MAF: variants seen among roughly 807,000 people sequenced by gnomAD.
The protein encoded by MAF is MAF bZIP transcription factor.
In MAF, 10 loss-of-function variants were observed where a neutral mutation model predicts 22.0. The observed-to-expected ratio is 0.45, with a 90% confidence interval of 0.28 to 0.77. The LOEUF (loss-of-function observed/expected upper bound fraction) is 0.77, where lower values mean the gene tolerates loss of function less well. MAF is among the 30% of genes least tolerant of loss of function. MAF has a pLI of 0.12. For missense variants in MAF, 544 were observed against 548.4 expected, an observed-to-expected ratio of 0.99 and a Z score of 0.08; for synonymous variants, 337 against 255.8, an observed-to-expected ratio of 1.32 and a Z score of -3.03.
At chr16:79,554,274 G>T in the MAF span, among the ~76,000 whole-genome samples, 1 of 152,166 alleles carries the variant, frequency 6.6e-6, no homozygotes, top group South Asian at 2.1e-4. Flanking sequence ...CTAATTTACA[G>T]ATGAGGAAAC....
At chr16:79,459,750 G>T in the MAF span, among the ~76,000 whole-genome samples, 3 of 152,040 alleles carry the variant, frequency 2.0e-5, no homozygotes, top group Non-Finnish European at 1.5e-5. Context: ...TTTTTGCAGA[G>T]ACAGGGTTTT....
the MAF span, among the ~76,000 whole-genome samples, chr16:79,460,659 T>C: frequency 2.0e-5 from 3 of 152,240 alleles, no homozygotes; most frequent in Non-Finnish European, 2.9e-5. Context: ...AGAATCTTGA[T>C]TGAAGTTCCT....
At chr16:79,555,603 GT>G in the MAF span, among the ~76,000 whole-genome samples, 1 of 152,270 alleles carries the variant, frequency 6.6e-6, no homozygotes, top group East Asian at 1.9e-4. Context: ...AAAATTTGAA[GT>G]CCAAAATGCT....
chr16:79,597,991 C>A (rs1231026686), intron 1 of MAF: 4 of 1,041,524 alleles, frequency 3.8e-6, no homozygotes, highest in East Asian at 5.7e-5. Flanking sequence ...AAGGTTGATG[C>A]AGGCTTGATT....
At position 79,594,538 on chromosome 16, in the gene MAF, G is replaced by C. The variant is rs1280764703; in HGVS notation, c.1134C>G (p.Arg378=). ...CGTATCCCACTGATGGCTCCAACTT[G>C]CGAGTGGGCTCAGTTCTGTAATTGG... ...SPEFFITEPT[R]KLEPSVGYAT... Residue 378 remains arginine (R), a synonymous_variant, in exon 2 of 2, where the codon CGC becomes CGG. Transcript: ENST00000326043. The C allele has an allele frequency of 6.4e-7, 1 of 1,563,182 alleles. No homozygotes were observed. Among genetic ancestry groups the C allele is most frequent in the African/African-American group, 1.4e-5 (1 of 73,820 alleles).
chr16:79,305,732 A>G, the MAF span, among the ~76,000 whole-genome samples: 2 of 152,244 alleles, frequency 1.3e-5, no homozygotes, highest in African/African-American at 4.8e-5. Context: ...ACGCTGGAAG[A>G]TTTAAGCAGA....
the MAF span, among the ~76,000 whole-genome samples, chr16:79,411,231 C>G: frequency 6.8e-6 from 1 of 146,210 alleles, no homozygotes; most frequent in Non-Finnish European, 1.5e-5. Flanking sequence ...CCTCGCCTTT[C>G]TCGTTATTTT....
the MAF span, among the ~76,000 whole-genome samples, chr16:79,568,926 C>T: frequency 3.9e-5 from 6 of 152,234 alleles, no homozygotes; most frequent in South Asian, 1.2e-3. Context: ...GTTACTGTGC[C>T]CATTTTACAG....
chr16:79,307,340 A>G, the MAF span, among the ~76,000 whole-genome samples: 1 of 152,226 alleles, frequency 6.6e-6, no homozygotes, highest in Admixed American at 6.5e-5. Context: ...TTGAGGTCCC[A>G]GACGTGGTTG....
chr16:79,452,892 A>G, the MAF span, among the ~76,000 whole-genome samples: 3 of 152,216 alleles, frequency 2.0e-5, no homozygotes, highest in African/African-American at 7.2e-5. Context: ...CCCTGGATCA[A>G]CACTTGGAGG....
chr16:79,518,925 C>A, the MAF span, among the ~76,000 whole-genome samples: 10 of 151,812 alleles, frequency 6.6e-5, no homozygotes, highest in African/African-American at 2.4e-4. Context: ...AACTCTGTCT[C>A]AAAAAATAAA....
the MAF span, among the ~76,000 whole-genome samples, chr16:79,426,314 G>A: frequency 6.6e-6 from 1 of 152,284 alleles, no homozygotes; most frequent in Admixed American, 6.5e-5. Context: ...TAATTTTTCT[G>A]CTGATTACAT....
rs1456135372 is a variant in MAF at position 79,598,430 on chromosome 16, A to G, written c.1118+355T>C. 2.1e-5 allele frequency: 11 copies of G among 536,430 alleles called. No homozygotes were observed. The African/African-American group carries it at 3.1e-4, about 15-fold the overall frequency. 33.2% of individuals were successfully genotyped at this position (536,430 alleles called of 1,614,324 possible). The stretch of plus-strand genomic sequence containing the variant: ...TGCTGAGATCATTGAACATTGTGCA[A>G]GTCCGGGGGTGGGGCGGGGGGGTGT... On this transcript the variant is annotated intron_variant, in intron 1 of 1. Coordinates refer to ENST00000326043, the MANE Select transcript of MAF (RefSeq NM_005360.5).
the MAF span, among the ~76,000 whole-genome samples, chr16:79,419,534 C>T: frequency 2.6e-5 from 4 of 152,186 alleles, no homozygotes; most frequent in Admixed American, 6.5e-5. Flanking sequence ...CAGGCTTAGC[C>T]GCACTGAGCC....
chr16:79,352,993 T>C, the MAF span, among the ~76,000 whole-genome samples: 2 of 152,104 alleles, frequency 1.3e-5, no homozygotes, highest in South Asian at 4.2e-4. Context: ...TTTTGGCTTA[T>C]AACGAATGTC....
At chr16:79,520,554 A>G in the MAF span, among the ~76,000 whole-genome samples, 5 of 152,294 alleles carry the variant, frequency 3.3e-5, no homozygotes, top group East Asian at 9.6e-4. Flanking sequence ...ACATAAATAA[A>G]TATGGCTTCT....
downstream of MAF, among the ~76,000 whole-genome samples, chr16:79,580,850 G>A (rs538437919): frequency 1.3e-5 from 2 of 152,032 alleles, no homozygotes; most frequent in Non-Finnish European, 2.9e-5. Flanking sequence ...TTTAAAATAA[G>A]AAGTCTGGAG....
chr16:79,209,754 GGC>G, the MAF span, among the ~76,000 whole-genome samples: 1 of 152,216 alleles, frequency 6.6e-6, no homozygotes, highest in Non-Finnish European at 1.5e-5. Flanking sequence ...TGTCTTTAGA[GGC>G]ACTTCTGCTT....
At chr16:79,454,387 G>A in the MAF span, among the ~76,000 whole-genome samples, 164 of 152,290 alleles carry the variant, frequency 1.1e-3, no homozygotes, top group Non-Finnish European at 1.9e-3. Context: ...CCAGAAATCC[G>A]AGACCAGCTG....
Sources: allele counts gnomAD v4.1 joint callset (sites outside exome capture counted in the v4.1 genomes callset), GRCh38; gene constraint gnomAD v4.1.1; transcripts MANE v1.5; gene names NCBI Gene and HGNC (gene_info 2026-07-23, HGNC 2026-07-21).